Variants in ADCY2 observed in about 807,000 individuals in gnomAD.
The protein encoded by ADCY2 is adenylate cyclase 2.
Under a neutral mutation model 125.2 loss-of-function variants are expected in ADCY2, and 31 were observed. The observed-to-expected ratio is 0.25, with a 90% confidence interval of 0.19 to 0.33. The LOEUF is 0.33. Ranked by LOEUF, ADCY2 falls within the 10% of genes least tolerant of loss-of-function variation. The pLI is 1.00. For synonymous variants in ADCY2, 512 were observed against 548.4 expected, an observed-to-expected ratio of 0.93 and a Z score of 0.93; for missense variants, 904 against 1,418.2, an observed-to-expected ratio of 0.64 and a Z score of 5.82.
intron 18 of ADCY2, 32 bp from the exon 19 acceptor site, chr5:7,784,333 T>A (rs767730854): frequency 2.0e-6 from 3 of 1,514,844 alleles, no homozygotes; most frequent in Admixed American, 1.7e-5. Flanking sequence ...TTTGTTGCAT[T>A]GTTGTCTGTT....
At chr5:7,749,871 C>T (rs1424017657) in intron 15 of ADCY2, 2 of 152,240 alleles carry the variant, frequency 1.3e-5, no homozygotes, top group Non-Finnish European at 2.9e-5. Context: ...GAAAAGCTTT[C>T]TACCCCACAG....
At chr5:7,468,563 C>G (rs1742216137) in intron 2 of ADCY2, among the ~76,000 whole-genome samples, 1 of 152,044 alleles carries the variant, frequency 6.6e-6, no homozygotes, top group African/African-American at 2.4e-5. Flanking sequence ...GATTATAAAA[C>G]TTGGTTAATA....
chr5:7,714,581 G>A (rs928046560), intron 11 of ADCY2, among the ~76,000 whole-genome samples: 1 of 152,262 alleles, frequency 6.6e-6, no homozygotes, highest in Non-Finnish European at 1.5e-5. Flanking sequence ...AGCGTCACAT[G>A]GCTGGTGGAG....
At chr5:7,697,243 A>G (rs1740923563) in intron 6 of ADCY2, among the ~76,000 whole-genome samples, 1 of 152,082 alleles carries the variant, frequency 6.6e-6, no homozygotes, top group African/African-American at 2.4e-5. Flanking sequence ...GGAAGGACAC[A>G]ATTCATTACC....
At chr5:7,404,563 A>G (rs1484950093) in intron 1 of ADCY2, among the ~76,000 whole-genome samples, 1 of 152,230 alleles carries the variant, frequency 6.6e-6, no homozygotes, top group Non-Finnish European at 1.5e-5. Context: ...TGTTGCACCA[A>G]GGAGGAAAAG....
chr5:7,458,565 C>T (rs550112802), intron 2 of ADCY2, among the ~76,000 whole-genome samples: 13 of 152,230 alleles, frequency 8.5e-5, no homozygotes, highest in East Asian at 1.9e-4. Context: ...TCAGCTTTCT[C>T]GTTCCCAAGT....
At chr5:7,549,383 C>T (rs975544202) in intron 3 of ADCY2, among the ~76,000 whole-genome samples, 7 of 152,190 alleles carry the variant, frequency 4.6e-5, no homozygotes, top group African/African-American at 1.7e-4. Flanking sequence ...AAAGCTTCTG[C>T]TCAGAAGGGG....
chr5:7,632,148 T>C (rs968539770), intron 4 of ADCY2, among the ~76,000 whole-genome samples: 32 of 152,078 alleles, frequency 2.1e-4, no homozygotes, highest in African/African-American at 7.5e-4. Flanking sequence ...ACGCCTGAGC[T>C]TTGAGGTGCA....
Position 7,706,798 on chromosome 5 carries a change from T to G in ADCY2, c.1164T>G (p.Ser388=), listed in dbSNP as rs977867373. ...VDINMRVGVH[S]GNVLCGVIGL... is the part of the protein sequence containing the mutation. ...TCAACATGCGCGTGGGCGTGCATTCTGGGAATGTCCTGTGTGGCGTGATTG... is the reference window on the plus strand; with the variant it reads ...TCAACATGCGCGTGGGCGTGCATTCGGGGAATGTCCTGTGTGGCGTGATTG... Residue 388 remains serine (S), a synonymous_variant, in exon 8 of 25, where the codon TCT becomes TCG. Coordinates refer to ENST00000338316, the MANE Select transcript of ADCY2 (RefSeq NM_020546.3). The G allele has an allele frequency of 2.5e-6, 4 of 1,614,118 alleles. No individual in the cohort carries two copies. The African/African-American group carries it at 5.3e-5, about 22-fold the overall frequency.
intron 24 of ADCY2, 163 bp from the exon 25 acceptor site, chr5:7,826,556 C>A (rs1436810752): frequency 3.3e-6 from 3 of 904,744 alleles, no homozygotes; most frequent in Admixed American, 3.9e-5. Context: ...TCCTTTACAA[C>A]CTTTTTTTCT....
intron 4 of ADCY2, among the ~76,000 whole-genome samples, chr5:7,673,287 A>ATATATATATATATAT (rs58507866): frequency 0.013 from 392 of 31,202 alleles, 19 homozygotes; most frequent in East Asian, 0.04. Flanking sequence ...TATATATATA[A>ATATATATATATATAT]AATTAGCCAG....
intron 2 of ADCY2, among the ~76,000 whole-genome samples, chr5:7,440,626 T>C (rs528978336): frequency 2.0e-5 from 3 of 152,234 alleles, no homozygotes; most frequent in African/African-American, 7.2e-5. Flanking sequence ...CATGTTGCTT[T>C]ATAGGAGGAA....
At chr5:7,501,430 A>T (rs935944379) in intron 2 of ADCY2, among the ~76,000 whole-genome samples, 2 of 152,200 alleles carry the variant, frequency 1.3e-5, no homozygotes, top group African/African-American at 4.8e-5. Context: ...TTTCAATCAG[A>T]ATCATGGATC....
chr5:7,602,413 G>T (rs1245354631), intron 3 of ADCY2, among the ~76,000 whole-genome samples: 1 of 152,144 alleles, frequency 6.6e-6, no homozygotes, highest in Admixed American at 6.5e-5. Context: ...GTACACTCCA[G>T]GATGTCTTTC....
intron 2 of ADCY2, among the ~76,000 whole-genome samples, chr5:7,450,313 C>A (rs903156929): frequency 1.3e-5 from 2 of 152,146 alleles, no homozygotes; most frequent in African/African-American, 4.8e-5. Context: ...GGCAAGAAAG[C>A]AAGTCTTATT....
chr5:7,507,057 C>A (rs1354179502), intron 2 of ADCY2, among the ~76,000 whole-genome samples: 1 of 150,830 alleles, frequency 6.6e-6, no homozygotes, highest in African/African-American at 2.4e-5. Context: ...CTGATGTCTA[C>A]ACGCCAAGTT....
intron 4 of ADCY2, among the ~76,000 whole-genome samples, chr5:7,658,946 T>C (rs1739435868): frequency 6.6e-6 from 1 of 152,158 alleles, no homozygotes; most frequent in Non-Finnish European, 1.5e-5. Flanking sequence ...GCTCATTTCA[T>C]CCAAAAACAA....
chr5:7,747,839 A>C (rs1161512707), intron 15 of ADCY2, among the ~76,000 whole-genome samples: 1 of 152,198 alleles, frequency 6.6e-6, no homozygotes, highest in Non-Finnish European at 1.5e-5. Context: ...TACTTCAGGC[A>C]CTTGAAAAAC....
chr5:7,551,646 T>C (rs184738653), intron 3 of ADCY2, among the ~76,000 whole-genome samples: 2 of 152,352 alleles, frequency 1.3e-5, no homozygotes, highest in East Asian at 3.9e-4. Flanking sequence ...GGTTGAATTA[T>C]CAACCTCCAA....
Sources: gnomAD v4.1 joint callset for allele counts (sites outside exome capture counted in the v4.1 genomes callset) on GRCh38, gnomAD v4.1.1 for gene constraint, MANE v1.5 for transcripts, NCBI Gene and HGNC (gene_info 2026-07-23, HGNC 2026-07-21) for gene names.